MYO9A: variants seen among roughly 807,000 people sequenced by gnomAD.
MYO9A encodes the protein unconventional myosin-IXa.
Under a neutral mutation model 293.3 loss-of-function variants are expected in MYO9A, and 103 were observed. That is an observed-to-expected ratio of 0.35 (90% confidence interval 0.30 to 0.41). The LOEUF is 0.41. MYO9A is among the 10% of genes least tolerant of loss of function. The probability of loss-of-function intolerance (pLI) is 1.00; values close to 1 mark genes in which losing one functional copy is unlikely to be tolerated. For synonymous variants in MYO9A, 1,001 were observed against 1,035.7 expected (o/e 0.97, Z 0.64); for missense variants, 2,685 against 3,033.0 (o/e 0.89, Z 2.69).
intron 19 of MYO9A, among the ~76,000 whole-genome samples, chr15:71,911,803 CATT>C (rs1402245645): frequency 1.3e-5 from 2 of 152,158 alleles, no homozygotes; most frequent in African/African-American, 2.4e-5. Context: ...GGGATTGACT[CATT>C]AAAATCTAAC....
intron 1 of MYO9A, among the ~76,000 whole-genome samples, chr15:72,086,070 C>T (rs1456555351): frequency 6.6e-6 from 1 of 152,246 alleles, no homozygotes; most frequent in East Asian, 1.9e-4. Context: ...CGGGTGGTGC[C>T]AAAGAGTTTT....
At chr15:71,934,786 C>CTTTTTTTTTTTTTTTTTTTTTT (rs1167613386) in intron 17 of MYO9A, among the ~76,000 whole-genome samples, 2 of 61,792 alleles carry the variant, frequency 3.2e-5, no homozygotes, top group African/African-American at 6.6e-5. Flanking sequence ...CTTTTCTTTT[C>CTTTTTTTTTTTTTTTTTTTTTT]TTTTTTTTTT....
rs71133942 is a variant in MYO9A, at chr15:71,990,089, AT to A, written c.1722+1013del. On this transcript the variant is annotated intron_variant, in intron 11 of 41. Coordinates refer to ENST00000356056, the MANE Select transcript of MYO9A (RefSeq NM_006901.4). The stretch of plus-strand genomic sequence containing the variant: ...GCAATCAAATAAGCATATATAAGCA[AT>A]TTTTTTTTTTTTTTGAGACAGTCTC... Among the ~76,000 whole-genome samples, 121 of 142,976 alleles carry A rather than the reference AT, an allele frequency of 8.5e-4. 2 individuals are homozygous for A. Among genetic ancestry groups the A allele is most frequent in the African/African-American group, 2.6e-3 (99 of 38,780 alleles). The allele number at this position is 142,976 out of a possible 152,430, so 93.8% of individuals were successfully genotyped here.
intron 8 of MYO9A, among the ~76,000 whole-genome samples, chr15:72,005,019 T>C (rs1485868355): frequency 6.6e-6 from 1 of 152,212 alleles, no homozygotes. Context: ...AGCCTTAAGA[T>C]TGCAATTATT....
intron 39 of MYO9A, among the ~76,000 whole-genome samples, chr15:71,833,922 A>G (rs1178026607): frequency 6.6e-6 from 1 of 152,036 alleles, no homozygotes; most frequent in Non-Finnish European, 1.5e-5. Context: ...GAATTAATTA[A>G]TTAAAGAATT....
chr15:72,012,158 A>G (rs1379788674), intron 6 of MYO9A, among the ~76,000 whole-genome samples: 2 of 152,210 alleles, frequency 1.3e-5, no homozygotes, highest in Non-Finnish European at 2.9e-5. Flanking sequence ...GGAAAGCTAC[A>G]CATGCATAGT....
intron 1 of MYO9A, among the ~76,000 whole-genome samples, chr15:72,074,668 G>A (rs547235421): frequency 6.6e-6 from 1 of 152,088 alleles, no homozygotes; most frequent in South Asian, 2.1e-4. Context: ...GGGTAGACTC[G>A]GAGGGCAAAG....
chr15:72,051,602 C>T (rs1427063791), intron 1 of MYO9A, among the ~76,000 whole-genome samples: 1 of 152,150 alleles, frequency 6.6e-6, no homozygotes, highest in Non-Finnish European at 1.5e-5. Flanking sequence ...CTGGCCTCTC[C>T]TCACTCCCAG....
At position 71,823,536 on chromosome 15, in the gene MYO9A, A is replaced by ATAAT. The variant is rs1179689248; in HGVS notation, c.*3040_*3043dup. ...GTTTTCAGAAGCCCAGAGTGGCAAA[A>ATAAT]TAATTTAAATGGCAGGAGGTACAAA... On this transcript the variant is annotated 3_prime_UTR_variant, in exon 42 of 42. Coordinates refer to ENST00000356056, the MANE Select transcript of MYO9A (RefSeq NM_006901.4). The ATAAT allele has an allele frequency of 6.6e-6, 1 of 152,202 alleles. No individual in the cohort carries two copies. Among genetic ancestry groups the ATAAT allele is most frequent in the Non-Finnish European group, 1.5e-5 (1 of 68,040 alleles). The allele number at this position is 152,202 out of a possible 1,614,324, so 9.4% of individuals were successfully genotyped here.
At chr15:71,955,855 A>C (rs1010447907) in intron 14 of MYO9A, among the ~76,000 whole-genome samples, 3 of 152,064 alleles carry the variant, frequency 2.0e-5, no homozygotes, top group Non-Finnish European at 4.4e-5. Context: ...TCTATACCTG[A>C]CCCTCTAGCC....
intron 12 of MYO9A, among the ~76,000 whole-genome samples, chr15:71,970,192 T>C (rs933396556): frequency 6.6e-6 from 1 of 152,234 alleles, no homozygotes; most frequent in African/African-American, 2.4e-5. Context: ...TGATAGAAGA[T>C]GACACTTTGA....
In MYO9A at chr15:71,823,749, G is replaced by C. The variant is rs2054359822; in HGVS notation, c.*2831C>G. The C allele has an allele frequency of 6.6e-6, 1 of 152,224 alleles. No individual in the cohort carries two copies. The highest frequency in any genetic ancestry group is 2.4e-5 in the African/African-American group (1 of 41,450). The allele number at this position is 152,224 out of a possible 1,614,324, so 9.4% of individuals were successfully genotyped here. A position where few individuals can be genotyped will look rare whatever the true frequency, so the allele number is the denominator to read the frequency against. Reference sequence around the variant, plus strand: ...AAATTCAGGTTTTGTTTGGGGCTGGGAATGTGTGCTGTGAGAAGAGTGCTC... The same window carrying C: ...AAATTCAGGTTTTGTTTGGGGCTGGCAATGTGTGCTGTGAGAAGAGTGCTC... On this transcript the variant is annotated 3_prime_UTR_variant, in exon 42 of 42. Transcript: ENST00000356056.
In MYO9A at chr15:72,007,932, G is replaced by C. The variant is rs775526157; in HGVS notation, c.1274C>G (p.Ala425Gly). Residue 425 changes from alanine to glycine, a missense_variant, in exon 8 of 42, where the codon GCC becomes GGC. Physicochemically the swap from Ala to Gly is moderately conservative, Grantham distance 60. Around this residue, in one of 10 missense-constraint regions of MYO9A, gnomAD observed 289 missense variants for 456.8 expected, o/e 0.63. Transcript: ENST00000356056. Reference protein sequence around the residue: ...TRRQIFSLLSAILHLGNICYK... With the variant: ...TRRQIFSLLSGILHLGNICYK... ...ACAGATATTACCCAAATGTAGTATG[G>C]CTGAGAGAAGAGAGAAAATCCTGGG... 2 of 1,611,208 alleles carry C rather than the reference G, an allele frequency of 1.2e-6. No homozygotes were observed. The highest frequency in any genetic ancestry group is 1.3e-5 in the African/African-American group (1 of 74,890).
chr15:72,087,103 T>A (rs1393890876), intron 1 of MYO9A, among the ~76,000 whole-genome samples: 1 of 152,098 alleles, frequency 6.6e-6, no homozygotes, highest in African/African-American at 2.4e-5. Context: ...GCCATTCAAG[T>A]GTGGTCAGGT....
intron 4 of MYO9A, among the ~76,000 whole-genome samples, chr15:72,027,011 G>C (rs2077694523): frequency 6.6e-6 from 1 of 152,144 alleles, no homozygotes; most frequent in South Asian, 2.1e-4. Context: ...TCTACCAAAT[G>C]TTTAAAGAAT....
intron 6 of MYO9A, among the ~76,000 whole-genome samples, chr15:72,013,970 T>C (rs2077248984): frequency 6.6e-6 from 1 of 152,192 alleles, no homozygotes; most frequent in Admixed American, 6.5e-5. Flanking sequence ...AGCATCCATC[T>C]GATTTTTATA....
intron 32 of MYO9A, 61 bp from the exon 33 acceptor site, chr15:71,862,672 G>T: frequency 1.8e-6 from 2 of 1,100,276 alleles, no homozygotes; most frequent in Non-Finnish European, 2.7e-6. Context: ...GCCCTAACGT[G>T]GTGGGAAATC....
chr15:71,924,868 C>T (rs908101929), intron 18 of MYO9A, among the ~76,000 whole-genome samples: 6 of 150,798 alleles, frequency 4.0e-5, no homozygotes, highest in South Asian at 4.2e-4. Flanking sequence ...TGCAGCAAGC[C>T]GAGATCGTGT....
chr15:71,946,017 G>A (rs2058909405), intron 15 of MYO9A, among the ~76,000 whole-genome samples: 1 of 152,100 alleles, frequency 6.6e-6, no homozygotes, highest in Admixed American at 6.5e-5. Flanking sequence ...TGGTTAACAT[G>A]GTCAAGCCAA....
Sources: gnomAD v4.1 joint callset for allele counts (sites outside exome capture counted in the v4.1 genomes callset) on GRCh38, gnomAD v4.1.1 for gene constraint, gnomAD v4.1.1 regional missense constraint, MANE v1.5 for transcripts, NCBI Gene and HGNC (gene_info 2026-07-23, HGNC 2026-07-21) for gene names.